The following RABL6 variants were observed in gnomAD, a reference collection of about 807,000 sequenced individuals.
RABL6 encodes the protein rab-like protein 6.
Under a neutral mutation model 72.9 loss-of-function variants are expected in RABL6, and 28 were observed. The ratio of observed to expected loss-of-function variants is 0.38; its 90% CI spans 0.28 to 0.53. RABL6 has a LOEUF of 0.53. Ranked by LOEUF, RABL6 falls within the 20% of genes least tolerant of loss-of-function variation. RABL6 has a pLI of 0.80. For synonymous variants in RABL6, 477 were observed against 421.2 expected, an observed-to-expected ratio of 1.13 and a Z score of -1.62; for missense variants, 1,029 against 1,008.4, an observed-to-expected ratio of 1.02 and a Z score of -0.28.
intron 1 of RABL6, chr9:136,813,050 TG>T: frequency 2.6e-6 from 1 of 381,620 alleles, no homozygotes. Context: ...CCAAAGCCTT[TG>T]GGGCACCCGG....
chr9:136,807,976 G>C lies in RABL6; in HGVS notation c.-221G>C. 9.9e-7 allele frequency: 1 copy of C among 1,005,356 alleles called. No homozygotes were observed. Among genetic ancestry groups the C allele is most frequent in the Non-Finnish European group, 1.2e-6 (1 of 844,834 alleles). 62.3% of individuals were successfully genotyped at this position (1,005,356 alleles called of 1,614,324 possible). A position where few individuals can be genotyped will look rare whatever the true frequency, so the allele number is the denominator to read the frequency against. On this transcript the variant is annotated 5_prime_UTR_variant, in exon 1 of 15. Coordinates refer to ENST00000311502, the MANE Select transcript of RABL6 (RefSeq NM_024718.5). ...TGGCGGCGCTGACTCCTGGAGAGCG[G>C]TCGCGCCGGAGGCCGCGGGGGCCGG...
chr9:136,822,400 C>T (rs949365870), intron 1 of RABL6, among the ~76,000 whole-genome samples: 2 of 152,142 alleles, frequency 1.3e-5, no homozygotes, highest in Non-Finnish European at 2.9e-5. Context: ...TTCTCTCTCC[C>T]CCGTGCCTGT....
intron 1 of RABL6, chr9:136,814,546 G>A (rs1313316282): frequency 6.6e-6 from 1 of 151,572 alleles, no homozygotes; most frequent in East Asian, 2.0e-4. Context: ...AAGATTGAAA[G>A]ACGTTCCAGC....
In RABL6 at chr9:136,840,736, G is replaced by T; in HGVS notation, c.*214G>T. 1 of 1,548,502 alleles carries T rather than the reference G, an allele frequency of 6.5e-7. No individual in the cohort carries two copies. Among genetic ancestry groups the T allele is most frequent in the African/African-American group, 1.4e-5 (1 of 73,120 alleles). On this transcript the variant is annotated 3_prime_UTR_variant, in exon 15 of 15. Coordinates refer to ENST00000311502, the MANE Select transcript of RABL6 (RefSeq NM_024718.5). ...GAGCCTGCTCTGCAAGAAGGGAGGG[G>T]ACAGCTGGCTTCAGCCAGGCTCGGT...
At chr9:136,811,092 CTG>C (rs919037775) in intron 1 of RABL6, among the ~76,000 whole-genome samples, 1 of 152,174 alleles carries the variant, frequency 6.6e-6, no homozygotes, top group African/African-American at 2.4e-5. Flanking sequence ...AAGTCAAACT[CTG>C]TCAAATATTT....
intron 6 of RABL6, 48 bp from the exon 7 acceptor site, chr9:136,832,216 AC>A (rs780093339): frequency 1.3e-6 from 2 of 1,538,230 alleles, no homozygotes; most frequent in African/African-American, 1.4e-5. Flanking sequence ...GATCCTTGGC[AC>A]CAGGGCAAGG....
intron 1 of RABL6, chr9:136,814,250 G>GCGCAATCT: frequency 1.5e-5 from 3 of 198,676 alleles, no homozygotes. Flanking sequence ...GAGTGCAATG[G>GCGCAATCT]TGCTCACTGC....
chr9:136,818,814 G>C (rs764380894), intron 1 of RABL6, among the ~76,000 whole-genome samples: 7 of 152,060 alleles, frequency 4.6e-5, no homozygotes, highest in Non-Finnish European at 1.0e-4. Context: ...TTTATATAGG[G>C]TATATAAAAG....
chr9:136,830,345 C>G (rs527251531), intron 5 of RABL6, among the ~76,000 whole-genome samples: 1 of 152,260 alleles, frequency 6.6e-6, no homozygotes, highest in Non-Finnish European at 1.5e-5. Flanking sequence ...ATGCTCTGGG[C>G]CTCTGCCAAC....
At position 136,837,476 on chromosome 9, in the gene RABL6, C is replaced by A. The variant is rs554240472; in HGVS notation, c.940C>A (p.Pro314Thr). The A allele has an allele frequency of 1.3e-4, 202 of 1,551,096 alleles. 1 individual carries two copies. The East Asian group carries it at 4.6e-3, about 36-fold the overall frequency. Residue 314 changes from proline (P) to threonine (T), a missense_variant, in exon 9 of 15, where the codon CCC (proline) becomes ACC (threonine). Coordinates refer to ENST00000311502, the MANE Select transcript of RABL6 (RefSeq NM_024718.5). ...AGAVSTGSSS[P>T]GTPQPAPQLP... ...CGCTGTGTCCACGGGGAGCTCCAGC[C>A]CCGGCACACCCCAGCCCGCCCCACA...
chr9:136,837,455 G>C lies in RABL6; in HGVS notation c.919G>C (p.Val307Leu), dbSNP rs776893234. Residue 307 changes from valine (V) to leucine (L), a missense_variant, in exon 9 of 15, where the codon GTG becomes CTG. This residue lies in a region of RABL6 where 434 missense variants were observed against 536.1 expected (regional missense o/e 0.81). Coordinates refer to ENST00000311502, the MANE Select transcript of RABL6 (RefSeq NM_024718.5). ...GTCACCAGTGGTGCCTGCAGGCGCT[G>C]TGTCCACGGGGAGCTCCAGCCCCGG... Reference protein sequence around the residue: ...SQSPVVPAGAVSTGSSSPGTP... With the variant: ...SQSPVVPAGALSTGSSSPGTP... 11 of 1,563,026 alleles carry C rather than the reference G, an allele frequency of 7.0e-6. No homozygotes were observed. Among genetic ancestry groups the C allele is most frequent in the Non-Finnish European group, 8.6e-6 (10 of 1,156,860 alleles).
At chr9:136,834,946 A>G (rs543352824) in intron 7 of RABL6, among the ~76,000 whole-genome samples, 1,665 of 151,264 alleles carry the variant, frequency 0.011, 43 homozygotes, top group African/African-American at 0.039. Flanking sequence ...AAAAAAAAAA[A>G]AAAAATCTCT....
chr9:136,810,837 G>A (rs950664801), intron 1 of RABL6, among the ~76,000 whole-genome samples: 5 of 152,172 alleles, frequency 3.3e-5, no homozygotes, highest in Non-Finnish European at 5.9e-5. Flanking sequence ...CACCATGCCC[G>A]GCTTTCTGGT....
chr9:136,810,566 G>C (rs1313651962), intron 1 of RABL6, among the ~76,000 whole-genome samples: 2 of 151,934 alleles, frequency 1.3e-5, no homozygotes, highest in African/African-American at 2.4e-5. Context: ...ACAGAGTTTT[G>C]CGTTTTGCTG....
intron 7 of RABL6, 108 bp from the exon 8 acceptor site, chr9:136,835,634 C>T (rs1385290937): frequency 1.0e-5 from 10 of 952,494 alleles, no homozygotes; most frequent in Middle Eastern, 3.3e-4. Context: ...TGCAGCATCT[C>T]CTGGTTTTGG....
Position 136,825,845 on chromosome 9 carries a change from G to T in RABL6, c.313+19G>T, listed in dbSNP as rs781098941. The T allele has an allele frequency of 1.9e-6, 3 of 1,605,144 alleles. No individual in the cohort carries two copies. Among genetic ancestry groups the T allele is most frequent in the East Asian group, 2.2e-5 (1 of 44,826 alleles). On this transcript the variant is annotated intron_variant, in intron 3 of 14. Coordinates refer to ENST00000311502, the MANE Select transcript of RABL6 (RefSeq NM_024718.5). ...GACAAAGGTGAGGCGTCTCTGTTCTGTGTCTGCTTCTCTCTGGGACTGTGT... is the reference window on the plus strand; with the variant it reads ...GACAAAGGTGAGGCGTCTCTGTTCTTTGTCTGCTTCTCTCTGGGACTGTGT...
chr9:136,838,629 C>G (rs1169061226), intron 10 of RABL6, among the ~76,000 whole-genome samples: 1 of 152,260 alleles, frequency 6.6e-6, no homozygotes, highest in African/African-American at 2.4e-5. Flanking sequence ...TGGCCCTGAG[C>G]TGGGCCCGCC....
chr9:136,813,507 G>A (rs971541766), intron 1 of RABL6: 16 of 440,472 alleles, frequency 3.6e-5, no homozygotes, highest in Middle Eastern at 4.3e-4. Flanking sequence ...TGTTCCCTGC[G>A]TTTCTTCAGA....
chr9:136,810,475 C>T (rs1212055825), intron 1 of RABL6, among the ~76,000 whole-genome samples: 2 of 152,220 alleles, frequency 1.3e-5, no homozygotes, highest in African/African-American at 4.8e-5. Flanking sequence ...AGCTGAATAA[C>T]ATGCAATTTT....
Sources: allele counts gnomAD v4.1 joint callset (sites outside exome capture counted in the v4.1 genomes callset), GRCh38; gene constraint gnomAD v4.1.1; regional missense constraint gnomAD v4.1.1; transcripts MANE v1.5; gene names NCBI Gene and HGNC (gene_info 2026-07-23, HGNC 2026-07-21).